The following NLRP12 variants were observed in gnomAD, a reference collection of about 807,000 sequenced individuals.
The protein encoded by NLRP12 is NLR family pyrin domain containing 12, also known as NACHT, LRR and PYD domains-containing protein 12.
NLRP12 carries 108 observed loss-of-function variants against 91.2 expected under a neutral mutation model. The ratio of observed to expected loss-of-function variants is 1.18; its 90% CI spans 1.01 to 1.39. The LOEUF (loss-of-function observed/expected upper bound fraction) is 1.39. NLRP12 is among the 40% of genes most tolerant of loss of function. The pLI, the probability that NLRP12 is intolerant of heterozygous loss-of-function variation, is 0.00. For missense variants in NLRP12, 1,530 were observed against 1,352.7 expected (o/e 1.13, Z -2.06); for synonymous variants, 613 against 566.7 (o/e 1.08, Z -1.16).
chr19:53,805,688 TG>T, intron 4 of NLRP12: 1 of 551,588 alleles, frequency 1.8e-6, no homozygotes, highest in Non-Finnish European at 3.4e-6. Context: ...TGGCTCATTT[TG>T]GTATTTTTAG....
chr19:53,801,181 G>T, intron 7 of NLRP12, 46 bp downstream of exon 7: 1 of 1,585,828 alleles, frequency 6.3e-7, no homozygotes, highest in Non-Finnish European at 8.7e-7. Flanking sequence ...AGAGGGCTGC[G>T]TTCATGGATT....
At chr19:53,814,103 G>A (rs971213800) in intron 2 of NLRP12, among the ~76,000 whole-genome samples, 1 of 152,074 alleles carries the variant, frequency 6.6e-6, no homozygotes, top group Non-Finnish European at 1.5e-5. Flanking sequence ...ACTGTACCCC[G>A]GTTTCTTCCC....
rs1011183165 is a variant in NLRP12 at position 53,810,168 on chromosome 19, C to T, written c.1491G>A (p.Met497Ile). 4 of 1,614,024 alleles carry T rather than the reference C, an allele frequency of 2.5e-6. No individual in the cohort carries two copies. The African/African-American group carries it at 5.3e-5, about 22-fold the overall frequency. Residue 497 changes from methionine (M) to isoleucine (I), a missense_variant, in exon 3 of 10, where the codon ATG (methionine) becomes ATA (isoleucine). Transcript: ENST00000324134. ...AGTTGATGTCCTTCTGGAAGATGTTCATGTTGAGGAAGGCAGAGACGTCTT... is the reference window on the plus strand; with the variant it reads ...AGTTGATGTCCTTCTGGAAGATGTTTATGTTGAGGAAGGCAGAGACGTCTT... ...DGEDVSAFLN[M>I]NIFQKDINCE...
chr19:53,805,237 A>T (rs1255962992), intron 5 of NLRP12, 43 bp downstream of exon 5: 1 of 1,583,176 alleles, frequency 6.3e-7, no homozygotes, highest in East Asian at 2.2e-5. Context: ...ATGCCCCAGG[A>T]GACAATGAGC....
intron 9 of NLRP12, among the ~76,000 whole-genome samples, chr19:53,794,762 C>T (rs558090513): frequency 1.1e-4 from 16 of 150,564 alleles, no homozygotes; most frequent in East Asian, 2.0e-4. Flanking sequence ...CGCCTCCTGG[C>T]TTCAAGCGAT....
intron 4 of NLRP12, among the ~76,000 whole-genome samples, chr19:53,807,020 C>A (rs371056998): frequency 6.6e-6 from 1 of 152,114 alleles, no homozygotes; most frequent in Non-Finnish European, 1.5e-5. Flanking sequence ...AGCAGCCCCC[C>A]ACCTGCCTTG....
Position 53,823,924 on chromosome 19 carries a change from T to G in NLRP12, c.251A>C (p.Asp84Ala). The change falls in exon 1 of 10, where the codon GAC (aspartate) becomes GCC (alanine). Residue 84 changes from aspartate to alanine, a missense_variant. By Grantham distance (126) the Asp-to-Ala change is moderately radical. Coordinates refer to ENST00000324134, the MANE Select transcript of NLRP12 (RefSeq NM_144687.4). ...LSTFERINRK[D>A]LWERGQREDL... ...CTCTCTCTGTCCTCTCTCCCACAGG[T>G]CCTTCCTGTTTATCCGCTCAAAGGT... The G allele has an allele frequency of 1.9e-6, 3 of 1,614,038 alleles. No homozygotes were observed. The highest frequency in any genetic ancestry group is 2.5e-6 in the Non-Finnish European group (3 of 1,180,014).
chr19:53,816,649 G>A (rs2092164203), intron 1 of NLRP12, among the ~76,000 whole-genome samples: 1 of 152,154 alleles, frequency 6.6e-6, no homozygotes, highest in East Asian at 1.9e-4. Flanking sequence ...AGTCTCCCGA[G>A]TAGCTGGGAC....
rs765951747 is a variant in NLRP12, at chr19:53,809,744, T to C, written c.1915A>G (p.Ser639Gly). ...ALSHFQVIVV[S>G]NIASKMEHMV... is the part of the protein sequence containing the mutation. Reference sequence around the variant, plus strand: ...TGCTCCATCTTGGAGGCAATGTTGCTGACCACGATCACCTGGAAGTGGCTC... The same window carrying C: ...TGCTCCATCTTGGAGGCAATGTTGCCGACCACGATCACCTGGAAGTGGCTC... The change falls in exon 3 of 10, where the codon AGC becomes GGC. Residue 639 changes from serine (S) to glycine (G), a missense_variant. Transcript: ENST00000324134. 5 of 1,614,004 alleles carry C rather than the reference T, an allele frequency of 3.1e-6. No individual in the cohort carries two copies. Among genetic ancestry groups the C allele is most frequent in the African/African-American group, 2.7e-5 (2 of 74,914 alleles).
intron 9 of NLRP12, among the ~76,000 whole-genome samples, chr19:53,795,106 G>GTGT (rs55948484): frequency 0.3 from 21,076 of 69,774 alleles, 1,619 homozygotes; most frequent in South Asian, 0.39. Context: ...CCTGGTGTGT[G>GTGT]CGTGTGTGTG....
chr19:53,809,909 A>T lies in NLRP12; in HGVS notation c.1750T>A (p.Ser584Thr). ...HLEKSLCWKVSPHIKMDLLQW... is the reference protein window; with the variant it reads ...HLEKSLCWKVTPHIKMDLLQW... The stretch of plus-strand genomic sequence containing the variant: ...AACAGGTCCATCTTGATGTGCGGCG[A>T]GACCTTCCAGCAGAGACTCTTCTCC... Residue 584 changes from serine to threonine, a missense_variant, in exon 3 of 10, where the codon TCG (serine) becomes ACG (threonine). Physicochemically the swap from Ser to Thr is moderately conservative, Grantham distance 58. Transcript: ENST00000324134. 1 of 1,614,056 alleles carries T rather than the reference A, an allele frequency of 6.2e-7. No individual in the cohort carries two copies. Among genetic ancestry groups the T allele is most frequent in the Non-Finnish European group, 8.5e-7 (1 of 1,180,032 alleles).
chr19:53,798,701 G>A (rs1424814042), intron 7 of NLRP12, among the ~76,000 whole-genome samples: 1 of 152,098 alleles, frequency 6.6e-6, no homozygotes, highest in Non-Finnish European at 1.5e-5. Flanking sequence ...TCAGGAGTTT[G>A]TGACCAGTCT....
In NLRP12 at chr19:53,823,498, A is replaced by AAATATATATATTTTAAAACATAT. The variant is rs1568703260; in HGVS notation, c.289+387_289+388insATATGTTTTAAAATATATATATT. Among the ~76,000 whole-genome samples, 29 of 56,760 alleles carry AAATATATATATTTTAAAACATAT rather than the reference A, an allele frequency of 5.1e-4. 1 individual carries two copies. The highest frequency in any genetic ancestry group is 1.9e-3 in the African/African-American group (24 of 12,758). The allele number at this position is 56,760 out of a possible 152,430, so 37.2% of individuals were successfully genotyped here. ...AAAATATATATTTTAAAATATATTT[A>AAATATATATATTTTAAAACATAT]TTTAAAATATATATTTAAAACATAT... On this transcript the variant is annotated intron_variant, in intron 1 of 9. Coordinates refer to ENST00000324134, the MANE Select transcript of NLRP12 (RefSeq NM_144687.4).
At chr19:53,814,238 C>A (rs1349166391) in intron 2 of NLRP12, among the ~76,000 whole-genome samples, 1 of 152,170 alleles carries the variant, frequency 6.6e-6, no homozygotes, top group Non-Finnish European at 1.5e-5. Flanking sequence ...TCATGAGTAA[C>A]CTCGTTCCCC....
chr19:53,815,417 C>T (rs1344861574), intron 1 of NLRP12, among the ~76,000 whole-genome samples: 7 of 151,590 alleles, frequency 4.6e-5, no homozygotes, highest in South Asian at 2.1e-4. Flanking sequence ...TTAGTAGAGA[C>T]GGGGTTTCAC....
intron 3 of NLRP12, chr19:53,808,248 G>A: frequency 5.5e-6 from 1 of 183,024 alleles, no homozygotes; most frequent in South Asian, 1.1e-4. Flanking sequence ...TTTAGAGATG[G>A]GGATCTCATC....
chr19:53,800,684 C>T (rs941500043), intron 7 of NLRP12, among the ~76,000 whole-genome samples: 17 of 151,504 alleles, frequency 1.1e-4, no homozygotes, highest in South Asian at 8.3e-4. Flanking sequence ...CCGGGTTCAA[C>T]GGATTCTCCT....
intron 1 of NLRP12, among the ~76,000 whole-genome samples, chr19:53,819,968 T>G (rs1473516538): frequency 6.6e-6 from 1 of 152,012 alleles, no homozygotes; most frequent in African/African-American, 2.4e-5. Context: ...ATTAAAGACT[T>G]TGTTTTTTAC....
At chr19:53,812,494 C>T (rs56120808) in intron 2 of NLRP12, among the ~76,000 whole-genome samples, 8,955 of 151,426 alleles carry the variant, frequency 0.059, 372 homozygotes, top group East Asian at 0.13. Flanking sequence ...CATTTGGCAA[C>T]GGGACAAGTG....
Sources: gnomAD v4.1 joint callset for allele counts (sites outside exome capture counted in the v4.1 genomes callset) on GRCh38, gnomAD v4.1.1 for gene constraint, MANE v1.5 for transcripts, NCBI Gene and HGNC (gene_info 2026-07-23, HGNC 2026-07-21) for gene names.